SCML2: variants seen among roughly 807,000 people sequenced by gnomAD.
SCML2 encodes the protein Scm polycomb group protein like 2, also known as sex comb on midleg-like protein 2.
SCML2 carries 6 observed loss-of-function variants against 48.4 expected under a neutral mutation model. The observed-to-expected ratio is 0.12, with a 90% CI of 0.07 to 0.24. The LOEUF is 0.24. Among genes scored for constraint, SCML2 ranks in the 10% least tolerant of loss-of-function variants. The pLI is 1.00. For synonymous variants in SCML2, 181 were observed against 189.5 expected, an observed-to-expected ratio of 0.95 and a Z score of 0.37; for missense variants, 377 against 528.2, an observed-to-expected ratio of 0.71 and a Z score of 2.81.
intron 13 of SCML2, among the ~76,000 whole-genome samples, chrX:18,243,485 A>C (rs1324918407): frequency 8.9e-6 from 1 of 112,163 alleles, no homozygotes; most frequent in Non-Finnish European, 1.9e-5. Flanking sequence ...TGATGTATCC[A>C]ATAAGAATAT....
At chrX:18,344,543 T>C (rs1930139104) in intron 1 of SCML2, among the ~76,000 whole-genome samples, 1 of 111,425 alleles carries the variant, frequency 9.0e-6, no homozygotes, top group Non-Finnish European at 1.9e-5. Flanking sequence ...AGGGAACCGG[T>C]GGGAGATAAA....
In SCML2 at chrX:18,293,598, C is replaced by A. The variant is rs186631324; in HGVS notation, c.730+11374G>T. On this transcript the variant is annotated intron_variant, in intron 7 of 14. Coordinates refer to ENST00000251900, the MANE Select transcript of SCML2 (RefSeq NM_006089.3). ...GCTTTATAACCTTGAATTACTTGTG[C>A]CATCTGAAATCCTTAATTTCTCACA... 4.6e-4 allele frequency among the ~76,000 whole-genome samples: 52 copies of A among 112,182 alleles called. 2 individuals carry two copies. The East Asian group carries it at 0.011, about 25-fold the overall frequency.
chrX:18,345,064 T>G (rs1212490348), intron 1 of SCML2, among the ~76,000 whole-genome samples: 2 of 111,653 alleles, frequency 1.8e-5, no homozygotes, highest in Non-Finnish European at 1.9e-5. Flanking sequence ...TTAATGTCCA[T>G]TAATGTTCAT....
At chrX:18,325,751 C>CA (rs755686661) in intron 3 of SCML2, among the ~76,000 whole-genome samples, 91 of 111,992 alleles carry the variant, frequency 8.1e-4, no homozygotes, top group African/African-American at 2.8e-3. Flanking sequence ...AAAGACTTGA[C>CA]AGTAGTAGTG....
intron 1 of SCML2, among the ~76,000 whole-genome samples, chrX:18,351,984 C>T (rs1930390087): frequency 9.0e-6 from 1 of 111,585 alleles, no homozygotes. Context: ...AAGGATTACC[C>T]TGACCATTTC....
At chrX:18,251,791 G>C (rs770211336) in intron 11 of SCML2, among the ~76,000 whole-genome samples, 1 of 112,440 alleles carries the variant, frequency 8.9e-6, no homozygotes, top group Non-Finnish European at 1.9e-5. Flanking sequence ...GTACCTGAGA[G>C]AACACGTATC....
At chrX:18,271,506 T>C (rs1225716601) in intron 7 of SCML2, among the ~76,000 whole-genome samples, 1 of 109,849 alleles carries the variant, frequency 9.1e-6, no homozygotes, top group African/African-American at 3.3e-5. Context: ...TGTTTCACTA[T>C]ATAGTCAATA....
chrX:18,313,188 C>G (rs748085044), intron 6 of SCML2, among the ~76,000 whole-genome samples: 1 of 111,204 alleles, frequency 9.0e-6, no homozygotes, highest in Admixed American at 9.6e-5. Context: ...CCTATTTATA[C>G]TTAGCTGCTG....
chrX:18,282,850 G>A (rs1220245452), intron 7 of SCML2, among the ~76,000 whole-genome samples: 1 of 111,002 alleles, frequency 9.0e-6, no homozygotes, highest in Non-Finnish European at 1.9e-5. Flanking sequence ...ATTCACAGCC[G>A]AATTCCATCA....
At chrX:18,325,538 CA>C (rs1312859754) in intron 3 of SCML2, among the ~76,000 whole-genome samples, 1 of 111,540 alleles carries the variant, frequency 9.0e-6, no homozygotes, top group Non-Finnish European at 1.9e-5. Context: ...GGTGGCAGAA[CA>C]AAGCAATAAA....
intron 1 of SCML2, among the ~76,000 whole-genome samples, chrX:18,350,093 T>A (rs1930325634): frequency 9.0e-6 from 1 of 110,764 alleles, no homozygotes. Flanking sequence ...TGAAACCCCA[T>A]CTCTACTAAA....
intron 1 of SCML2, among the ~76,000 whole-genome samples, chrX:18,342,121 T>C (rs1428210097): frequency 8.9e-6 from 1 of 112,202 alleles, no homozygotes; most frequent in Non-Finnish European, 1.9e-5. Flanking sequence ...AGCTTATCTT[T>C]GCTTTCAATA....
intron 13 of SCML2, among the ~76,000 whole-genome samples, chrX:18,243,223 C>T (rs1308977623): frequency 9.0e-6 from 1 of 111,062 alleles, no homozygotes; most frequent in Non-Finnish European, 1.9e-5. Flanking sequence ...CTGACACATG[C>T]CACCACTTGC....
At chrX:18,249,818 C>T (rs1011494954) in intron 11 of SCML2, among the ~76,000 whole-genome samples, 2 of 111,266 alleles carry the variant, frequency 1.8e-5, no homozygotes, top group Non-Finnish European at 3.8e-5. Flanking sequence ...TACAAGCTGC[C>T]TCTTGGAGCA....
At chrX:18,258,451 G>C (rs7889894) in intron 9 of SCML2, among the ~76,000 whole-genome samples, 2,360 of 111,666 alleles carry the variant, frequency 0.021, 57 homozygotes, top group African/African-American at 0.072. Context: ...AACCCACAAA[G>C]AAACAATCAA....
intron 3 of SCML2, among the ~76,000 whole-genome samples, chrX:18,327,548 T>C (rs1240707718): frequency 2.7e-5 from 3 of 111,991 alleles, no homozygotes; most frequent in Non-Finnish European, 5.6e-5. Flanking sequence ...TTTTCAGTAA[T>C]ATTAGAAAAT....
At position 18,294,627 on chromosome X, in the gene SCML2, C is replaced by G. The variant is rs1020786069; in HGVS notation, c.730+10345G>C. ...CTGAAGCCCAACAACCCCTACATCT[C>G]CACATCCCTAGAGCCCCACCAACAT... On this transcript the variant is annotated intron_variant, in intron 7 of 14. Transcript: ENST00000251900. 1.2e-4 allele frequency among the ~76,000 whole-genome samples: 13 copies of G among 110,886 alleles called. No homozygotes were observed. In the East Asian group the frequency reaches 2.6e-3, roughly 22 times the overall value.
intron 6 of SCML2, among the ~76,000 whole-genome samples, chrX:18,319,588 T>C: frequency 1.1e-5 from 1 of 90,347 alleles, no homozygotes; most frequent in African/African-American, 4.6e-5. Context: ...CAGGTGAGAC[T>C]CTGTCTCAAA....
chrX:18,329,145 A>C (rs895453436), intron 3 of SCML2, among the ~76,000 whole-genome samples: 2 of 111,943 alleles, frequency 1.8e-5, no homozygotes, highest in Non-Finnish European at 3.8e-5. Flanking sequence ...CACTCTAAAT[A>C]GGTGAATTAT....
Sources: gnomAD v4.1 joint callset for allele counts (sites outside exome capture counted in the v4.1 genomes callset) on GRCh38, gnomAD v4.1.1 for gene constraint, MANE v1.5 for transcripts, NCBI Gene and HGNC (gene_info 2026-07-23, HGNC 2026-07-21) for gene names.